Variants in SFXN5 observed in about 807,000 individuals in gnomAD.
SFXN5 encodes the protein sideroflexin 5, also known as sideroflexin-5.
Under a neutral mutation model 50.2 loss-of-function variants are expected in SFXN5, and 43 were observed. That is an observed-to-expected ratio of 0.86 (90% CI 0.67 to 1.11). The LOEUF (loss-of-function observed/expected upper bound fraction) is 1.11. SFXN5 is among the 50% of genes least tolerant of loss of function. SFXN5 has a pLI of 0.00. For synonymous variants in SFXN5, 203 were observed against 185.8 expected (o/e 1.09, Z -0.75); for missense variants, 463 against 454.1 (o/e 1.02, Z -0.18).
Position 73,020,337 on chromosome 2 carries a change from G to A in SFXN5, c.332-73C>T. On this transcript the variant is annotated intron_variant, in intron 5 of 13. Transcript: ENST00000272433. ...CACCTGAGATACCCAGGAGCCTCCG[G>A]GTTAGGTCTTAGGCTATCAGTGGCC... The A allele has an allele frequency of 3.9e-6, 6 of 1,531,890 alleles. No homozygotes were observed. In the Admixed American group the frequency reaches 1.1e-4, roughly 27 times the overall value. 94.9% of individuals were successfully genotyped at this position (1,531,890 alleles called of 1,614,324 possible).
At chr2:72,970,628 C>G (rs1001794115) in intron 11 of SFXN5, among the ~76,000 whole-genome samples, 3 of 152,102 alleles carry the variant, frequency 2.0e-5, no homozygotes, top group African/African-American at 7.2e-5. Flanking sequence ...AGACGAGCCA[C>G]TAACCACCAT....
Position 72,961,049 on chromosome 2 carries a change from T to G in SFXN5, c.945+82A>C. 1 of 1,022,580 alleles carries G rather than the reference T, an allele frequency of 9.8e-7. No homozygotes were observed. The highest frequency in any genetic ancestry group is 1.4e-6 in the Non-Finnish European group (1 of 732,062). 63.3% of individuals were successfully genotyped at this position (1,022,580 alleles called of 1,614,324 possible). A position where few individuals can be genotyped will look rare whatever the true frequency, so the allele number is the denominator to read the frequency against. On this transcript the variant is annotated intron_variant, in intron 13 of 13. Coordinates refer to ENST00000272433, the MANE Select transcript of SFXN5 (RefSeq NM_144579.3). The surrounding 1 kb of genome is among the most constrained non-coding windows in gnomAD (Gnocchi z 4.4). ...CAGCGCCTAGCATGGCGCTAAGGAG[T>G]CGGCACGGTATGAGTATTTGTTCAG...
chr2:72,957,064 C>G (rs1167541475), intron 13 of SFXN5: 1 of 456,750 alleles, frequency 2.2e-6, no homozygotes, highest in Non-Finnish European at 4.4e-6. Flanking sequence ...TCCCTGTGCC[C>G]TTGGCTGCTT....
chr2:72,985,331 C>T (rs1468537228), intron 10 of SFXN5, among the ~76,000 whole-genome samples: 1 of 152,052 alleles, frequency 6.6e-6, no homozygotes, highest in Non-Finnish European at 1.5e-5. Flanking sequence ...CCTGCCAGCA[C>T]CTGGTGCAGC....
intron 10 of SFXN5, among the ~76,000 whole-genome samples, chr2:72,986,084 G>A (rs546467967): frequency 6.6e-6 from 1 of 152,364 alleles, no homozygotes; most frequent in East Asian, 1.9e-4. Context: ...GGGAACACCA[G>A]TTGGGCAGCC....
At chr2:73,050,289 C>G (rs1396742349) in intron 2 of SFXN5, among the ~76,000 whole-genome samples, 1 of 152,156 alleles carries the variant, frequency 6.6e-6, no homozygotes, top group East Asian at 1.9e-4. Context: ...CTGGTGGAAA[C>G]TGCAGTGGTT....
At chr2:72,988,620 TAC>T (rs1223951070) in intron 9 of SFXN5, among the ~76,000 whole-genome samples, 1 of 151,562 alleles carries the variant, frequency 6.6e-6, no homozygotes, top group African/African-American at 2.4e-5. Flanking sequence ...CACACACACA[TAC>T]ACACACATTT....
chr2:73,046,552 T>C (rs186837559), intron 2 of SFXN5, among the ~76,000 whole-genome samples: 175 of 152,228 alleles, frequency 1.1e-3, no homozygotes, highest in South Asian at 7.1e-3. Flanking sequence ...AATAAAGACT[T>C]GGTGTAGTCC....
chr2:72,970,780 C>G (rs907211679), intron 11 of SFXN5, among the ~76,000 whole-genome samples: 2 of 151,986 alleles, frequency 1.3e-5, no homozygotes, highest in East Asian at 1.9e-4. Flanking sequence ...TTCTACCCCC[C>G]GGGTTCAAGC....
At chr2:72,989,401 T>C (rs1278908888) in intron 9 of SFXN5, among the ~76,000 whole-genome samples, 2 of 152,150 alleles carry the variant, frequency 1.3e-5, no homozygotes, top group African/African-American at 4.8e-5. Flanking sequence ...AAAGGGATAG[T>C]AATACCTACA....
intron 2 of SFXN5, chr2:73,057,960 T>G (rs868597634): frequency 6.6e-6 from 1 of 152,176 alleles, no homozygotes; most frequent in South Asian, 2.1e-4. Context: ...AATTACCCAG[T>G]CTCGGGAATT....
chr2:73,020,354 T>C (rs1383428791), intron 5 of SFXN5, 90 bp from the exon 6 acceptor site: 7 of 1,335,952 alleles, frequency 5.2e-6, no homozygotes, highest in Admixed American at 2.0e-5. Context: ...TCTTAGGCTA[T>C]CAGTGGCCCT....
At chr2:72,989,911 C>T (rs893242663) in intron 9 of SFXN5, among the ~76,000 whole-genome samples, 2 of 152,194 alleles carry the variant, frequency 1.3e-5, no homozygotes, top group African/African-American at 2.4e-5. Context: ...CGGGCCGGGG[C>T]AGCCTGCTCT....
Position 72,971,602 on chromosome 2 carries a change from G to GGTTGCCATCGCT in SFXN5, c.697_708dup (p.Ser233_Asn236dup), listed in dbSNP as rs749847283. 2 of 1,614,020 alleles carry GGTTGCCATCGCT rather than the reference G, an allele frequency of 1.2e-6. No homozygotes were observed. The highest frequency in any genetic ancestry group is 1.7e-6 in the Non-Finnish European group (2 of 1,179,966). On this transcript the variant is annotated inframe_insertion, in exon 11 of 14. Coordinates refer to ENST00000272433, the MANE Select transcript of SFXN5 (RefSeq NM_144579.3). ...GCTGCGATCTTGGAGGAGCCCACGA[G>GGTTGCCATCGCT]GTTGCCATCGCTGTCCAGGACATCA...
chr2:73,027,237 G>GTAGGC (rs1384261841), intron 3 of SFXN5, among the ~76,000 whole-genome samples: 2 of 152,166 alleles, frequency 1.3e-5, no homozygotes, highest in African/African-American at 2.4e-5. Flanking sequence ...CTGACTCCAT[G>GTAGGC]TAGGCCTAGA....
intron 9 of SFXN5, among the ~76,000 whole-genome samples, chr2:72,991,033 C>T (rs980679889): frequency 3.3e-5 from 5 of 152,182 alleles, no homozygotes; most frequent in African/African-American, 4.8e-5. Context: ...CTGGAAGAGG[C>T]GGGGAACAGG....
chr2:72,946,412 G>C (rs1049559090), intron 13 of SFXN5, among the ~76,000 whole-genome samples: 8 of 152,086 alleles, frequency 5.3e-5, no homozygotes, highest in African/African-American at 1.9e-4. Context: ...CAAGGTCACT[G>C]CCACCCCCCA....
chr2:73,065,643 C>T (rs919141875), intron 1 of SFXN5, among the ~76,000 whole-genome samples: 2 of 151,724 alleles, frequency 1.3e-5, no homozygotes, highest in Admixed American at 6.6e-5. Flanking sequence ...GTGATCTGCC[C>T]GCCTTGGCCT....
At chr2:73,046,117 G>A (rs1486994214) in intron 2 of SFXN5, among the ~76,000 whole-genome samples, 3 of 152,090 alleles carry the variant, frequency 2.0e-5, no homozygotes, top group African/African-American at 7.2e-5. Context: ...AAAACTAAAA[G>A]CGATATGTTG....
Sources: gnomAD v4.1 joint callset for allele counts (sites outside exome capture counted in the v4.1 genomes callset) on GRCh38, gnomAD v4.1.1 for gene constraint, Gnocchi (gnomAD v3.1) non-coding constraint, MANE v1.5 for transcripts, NCBI Gene and HGNC (gene_info 2026-07-23, HGNC 2026-07-21) for gene names.